Variants in PCDHA13 observed in about 807,000 individuals in gnomAD.
The protein encoded by PCDHA13 is protocadherin alpha-13.
Under a neutral mutation model 64.8 loss-of-function variants are expected in PCDHA13, and 54 were observed. That is an observed-to-expected ratio of 0.83 (90% CI 0.67 to 1.04). The LOEUF is 1.04. PCDHA13 is among the 50% of genes least tolerant of loss of function. The pLI is 0.00. For missense variants in PCDHA13, 1,248 were observed against 1,254.3 expected, an observed-to-expected ratio of 0.99 and a Z score of 0.08; for synonymous variants, 587 against 564.4, an observed-to-expected ratio of 1.04 and a Z score of -0.57.
At chr5:140,906,323 A>C (rs1487570044) in intron 1 of PCDHA13, among the ~76,000 whole-genome samples, 1 of 152,212 alleles carries the variant, frequency 6.6e-6, no homozygotes, top group Admixed American at 6.5e-5. Flanking sequence ...AACATGATAC[A>C]ACTATCCTTC....
chr5:140,954,610 A>T (rs1464657596), intron 1 of PCDHA13, among the ~76,000 whole-genome samples: 1 of 151,962 alleles, frequency 6.6e-6, no homozygotes, highest in East Asian at 1.9e-4. Flanking sequence ...CCACTTTTTA[A>T]TGGGCTTGTT....
intron 1 of PCDHA13, among the ~76,000 whole-genome samples, chr5:140,891,171 A>T (rs1221936185): frequency 1.3e-5 from 2 of 151,478 alleles, no homozygotes; most frequent in African/African-American, 4.9e-5. Flanking sequence ...TGCTTTTCAG[A>T]TTTTCTGTGT....
At chr5:140,936,681 T>G (rs781812048) in intron 1 of PCDHA13, among the ~76,000 whole-genome samples, 3 of 152,246 alleles carry the variant, frequency 2.0e-5, no homozygotes, top group African/African-American at 2.4e-5. Flanking sequence ...CTATTCTGTT[T>G]CATTGGTCAA....
At chr5:140,994,717 A>G (rs1350882833) in intron 3 of PCDHA13, among the ~76,000 whole-genome samples, 4 of 152,164 alleles carry the variant, frequency 2.6e-5, no homozygotes, top group African/African-American at 9.6e-5. Context: ...AAAAAAATTT[A>G]AAATACTGGG....
rs1391320223 is a variant in PCDHA13, at chr5:140,927,345, C to T, written c.2394+42683C>T. The T allele has an allele frequency of 1.2e-6, 2 of 1,614,012 alleles. 1 individual carries two copies. On this transcript the variant is annotated intron_variant, in intron 1 of 3. Transcript: ENST00000289272. The stretch of plus-strand genomic sequence containing the variant: ...TTACTCTCCCGAATGCCCAAGATGA[C>T]GACGAGGGAAGCAATGGGATACTAA...
At chr5:140,885,070 T>C (rs1253345040) in intron 1 of PCDHA13, among the ~76,000 whole-genome samples, 1 of 152,232 alleles carries the variant, frequency 6.6e-6, no homozygotes, top group African/African-American at 2.4e-5. Flanking sequence ...CAAGATATTA[T>C]TTTAAAGAGC....
intron 3 of PCDHA13, among the ~76,000 whole-genome samples, chr5:140,990,932 G>A (rs1161440839): frequency 6.6e-6 from 1 of 152,154 alleles, no homozygotes; most frequent in African/African-American, 2.4e-5. Flanking sequence ...ATCCCATACT[G>A]TTGCCTCCTG....
At chr5:140,925,971 A>C (rs2082843743) in intron 1 of PCDHA13, among the ~76,000 whole-genome samples, 1 of 152,190 alleles carries the variant, frequency 6.6e-6, no homozygotes, top group African/African-American at 2.4e-5. Flanking sequence ...ACGCAAAAAA[A>C]AAGCCTTGAG....
chr5:140,988,152 C>G (rs2153871090), intron 3 of PCDHA13, among the ~76,000 whole-genome samples: 1 of 152,258 alleles, frequency 6.6e-6, no homozygotes, highest in East Asian at 1.9e-4. Flanking sequence ...ACCTCAACTT[C>G]TGCCGTTGTC....
Position 140,884,428 on chromosome 5 carries a change from G to C in PCDHA13, c.2160G>C (p.Ala720=). 1 of 1,613,962 alleles carries C rather than the reference G, an allele frequency of 6.2e-7. No homozygotes were observed. Among genetic ancestry groups the C allele is most frequent in the Non-Finnish European group, 8.5e-7 (1 of 1,179,880 alleles). ...TGCTCACGTTGCTGCTGTATACTGC[G>C]CTGCGGTGCTCGGCACCGCCCACCG... The part of the protein sequence containing the change: ...LLVLTLLLYT[A]LRCSAPPTEG... Residue 720 remains alanine (A), a synonymous_variant, in exon 1 of 4, where the codon GCG becomes GCC. Coordinates refer to ENST00000289272, the MANE Select transcript of PCDHA13 (RefSeq NM_018904.3).
chr5:140,907,705 G>A (rs2073545190), intron 1 of PCDHA13, among the ~76,000 whole-genome samples: 1 of 152,204 alleles, frequency 6.6e-6, no homozygotes, highest in Non-Finnish European at 1.5e-5. Context: ...CCCTGTTGCT[G>A]AGCCCATGTG....
At chr5:140,909,835 C>T (rs1554193946) in intron 1 of PCDHA13, among the ~76,000 whole-genome samples, 2 of 152,068 alleles carry the variant, frequency 1.3e-5, no homozygotes, top group Non-Finnish European at 2.9e-5. Context: ...AACTGGAGGA[C>T]CACCAGGACG....
intron 1 of PCDHA13, among the ~76,000 whole-genome samples, chr5:140,961,915 G>A (rs1393178053): frequency 2.0e-5 from 3 of 147,010 alleles, no homozygotes; most frequent in East Asian, 4.0e-4. Context: ...ATGGAGTCTC[G>A]CTCTGTTGCC....
intron 1 of PCDHA13, among the ~76,000 whole-genome samples, chr5:140,941,202 CCTTTCTTTCTTCCTTTCTTT>C (rs1442425625): frequency 7.3e-5 from 9 of 122,742 alleles, no homozygotes; most frequent in Non-Finnish European, 1.3e-4. Context: ...TTTCTTTCTT[CCTTTCTTTCTTCCTTTCTTT>C]CTTTCTTTCT....
chr5:140,982,357 A>G, intron 2 of PCDHA13, 118 bp from the exon 3 acceptor site: 1 of 1,520,660 alleles, frequency 6.6e-7, no homozygotes. Flanking sequence ...TTCAAGCATG[A>G]GCAGAATGTG....
At chr5:140,976,250 A>C (rs1420287471) in intron 1 of PCDHA13, among the ~76,000 whole-genome samples, 1 of 152,144 alleles carries the variant, frequency 6.6e-6, no homozygotes, top group Non-Finnish European at 1.5e-5. Flanking sequence ...ATGTAAATTT[A>C]TTTAAAACAC....
At chr5:140,923,376 A>T (rs1331786466) in intron 1 of PCDHA13, among the ~76,000 whole-genome samples, 5 of 152,086 alleles carry the variant, frequency 3.3e-5, no homozygotes, top group Non-Finnish European at 7.3e-5. Flanking sequence ...ATATTTTTAA[A>T]AATTAGTTGG....
At chr5:140,897,100 A>G (rs10054072) in intron 1 of PCDHA13, among the ~76,000 whole-genome samples, 2,117 of 151,950 alleles carry the variant, frequency 0.014, 42 homozygotes, top group African/African-American at 0.049. Context: ...CTCATTAAAA[A>G]TCTCCACTTT....
At chr5:140,918,848 G>T (rs2078891260) in intron 1 of PCDHA13, among the ~76,000 whole-genome samples, 1 of 152,134 alleles carries the variant, frequency 6.6e-6, no homozygotes, top group Admixed American at 6.5e-5. Flanking sequence ...TAAATCTGCT[G>T]GTGCCTGAAT....
Sources: allele counts gnomAD v4.1 joint callset (sites outside exome capture counted in the v4.1 genomes callset), GRCh38; gene constraint gnomAD v4.1.1; transcripts MANE v1.5; gene names NCBI Gene and HGNC (gene_info 2026-07-23, HGNC 2026-07-21).